Variants in MVK observed in about 807,000 individuals in gnomAD.
MVK encodes LH receptor mRNA-binding protein.
A neutral mutation model predicts 43.2 loss-of-function variants in MVK; 34 were observed. That is an observed-to-expected ratio of 0.79 (90% CI 0.60 to 1.05). The LOEUF is 1.05. Among genes scored for constraint, MVK ranks in the 50% least tolerant of loss-of-function variants. The probability of loss-of-function intolerance (pLI) is 0.00; values close to 1 mark genes in which losing one functional copy is unlikely to be tolerated. For synonymous variants in MVK, 190 were observed against 219.8 expected (o/e 0.86, Z 1.20); for missense variants, 395 against 504.0 (o/e 0.78, Z 2.07).
intron 3 of MVK, among the ~76,000 whole-genome samples, chr12:109,576,350 G>A (rs1041486851): frequency 3.3e-5 from 5 of 152,020 alleles, no homozygotes; most frequent in African/African-American, 9.7e-5. Context: ...GTGGGCTGTT[G>A]TGGACAGATC....
Position 109,587,046 on chromosome 12 carries a change from C to T in MVK, c.677+247C>T, listed in dbSNP as rs780552745. 18 of 532,608 alleles carry T rather than the reference C, an allele frequency of 3.4e-5. No homozygotes were observed. The Admixed American group carries it at 4.0e-4, about 12-fold the overall frequency. 33.0% of individuals were successfully genotyped at this position (532,608 alleles called of 1,614,324 possible). A position where few individuals can be genotyped will look rare whatever the true frequency, so the allele number is the denominator to read the frequency against. ...AGGGAAAGTCATGCATGGCTGTGCC[C>T]GTAGACTCTCAGCTGCTCATTCATT... On this transcript the variant is annotated intron_variant, in intron 7 of 10. Coordinates refer to ENST00000228510, the MANE Select transcript of MVK (RefSeq NM_000431.4).
Position 109,579,820 on chromosome 12 carries a change from C to T in MVK, c.245C>T (p.Thr82Ile). 2 of 1,614,246 alleles carry T rather than the reference C, an allele frequency of 1.2e-6. No individual in the cohort carries two copies. Among genetic ancestry groups the T allele is most frequent in the Non-Finnish European group, 1.7e-6 (2 of 1,180,048 alleles). Reference sequence around the variant, plus strand: ...GGAACAGAGCAAGGTGATGTCACAACACCCACCTCAGAGCAAGTGGAGAAG... The same window carrying T: ...GGAACAGAGCAAGGTGATGTCACAATACCCACCTCAGAGCAAGTGGAGAAG... ...TSFLEQGDVT[T>I]PTSEQVEKLK... The change falls in exon 4 of 11, where the codon ACA (threonine) becomes ATA (isoleucine). Residue 82 changes from threonine (T) to isoleucine (I), a missense_variant. Transcript: ENST00000228510.
intron 5 of MVK, among the ~76,000 whole-genome samples, chr12:109,583,409 C>T (rs867115065): frequency 2.5e-4 from 38 of 152,080 alleles, no homozygotes; most frequent in African/African-American, 8.9e-4. Context: ...TCATCCATGT[C>T]CCTACAAAGG....
intron 6 of MVK, among the ~76,000 whole-genome samples, chr12:109,586,551 A>G (rs868806700): frequency 9.2e-5 from 14 of 152,318 alleles, no homozygotes; most frequent in African/African-American, 3.4e-4. Flanking sequence ...CAGGAATCCA[A>G]GGCCTGGCAA....
At chr12:109,582,446 C>T in intron 5 of MVK, among the ~76,000 whole-genome samples, 1 of 152,164 alleles carries the variant, frequency 6.6e-6, no homozygotes, top group East Asian at 1.9e-4. Context: ...AGTGATTTTC[C>T]ACGGGCCAAA....
At chr12:109,576,435 T>C (rs1013281098) in intron 3 of MVK, among the ~76,000 whole-genome samples, 3 of 152,032 alleles carry the variant, frequency 2.0e-5, no homozygotes, top group African/African-American at 7.2e-5. Context: ...TGTGTATAAA[T>C]GATAGAAAAG....
upstream of MVK, chr12:109,573,299 C>T (rs769702190): frequency 1.3e-5 from 21 of 1,611,796 alleles, no homozygotes; most frequent in Middle Eastern, 1.7e-4. Flanking sequence ...GCGACGACAC[C>T]ACGATTCACG....
intron 2 of MVK, among the ~76,000 whole-genome samples, chr12:109,575,777 A>G (rs1031443072): frequency 4.6e-5 from 7 of 152,102 alleles, no homozygotes; most frequent in African/African-American, 1.7e-4. Context: ...AACCTCTGAA[A>G]TTTTGCAGGC....
At position 109,596,629 on chromosome 12, in the gene MVK, C is replaced by A; in HGVS notation, c.*52C>A. ...CCCAGATGCCCCTTTCTGGATTATT[C>A]TGGGGGCTGCAGTTCGACTCTGTGC... On this transcript the variant is annotated 3_prime_UTR_variant, in exon 11 of 11. Transcript: ENST00000228510. The A allele has an allele frequency of 1.3e-6, 2 of 1,582,918 alleles. No homozygotes were observed. Among genetic ancestry groups the A allele is most frequent in the Non-Finnish European group, 1.7e-6 (2 of 1,168,384 alleles).
At position 109,576,075 on chromosome 12, in the gene MVK, C is replaced by T; in HGVS notation, c.156C>T (p.Ser52=). 3 of 1,614,220 alleles carry T rather than the reference C, an allele frequency of 1.9e-6. No homozygotes were observed. Among genetic ancestry groups the T allele is most frequent in the Non-Finnish European group, 2.5e-6 (3 of 1,180,032 alleles). The change falls in exon 3 of 11, where the codon AGC becomes AGT. Residue 52 remains serine, a synonymous_variant. Transcript: ENST00000228510. ...ACAGCAATGGGAAAGTGGACCTCAG[C>T]TTACCCAACATTGGTATCAAGCGGG... ...QPHSNGKVDL[S]LPNIGIKRAW...
chr12:109,579,107 GTGTC>G (rs920004238), intron 3 of MVK: 1 of 370,210 alleles, frequency 2.7e-6, no homozygotes, highest in African/African-American at 2.1e-5. Context: ...GTGTGTCTGT[GTGTC>G]TGTGTGTGTT....
chr12:109,592,176 C>A (rs1383165601), intron 9 of MVK, among the ~76,000 whole-genome samples: 1 of 152,164 alleles, frequency 6.6e-6, no homozygotes, highest in African/African-American at 2.4e-5. Flanking sequence ...CCCAGGAGGT[C>A]AAGTTTGTAG....
rs67866345 is a variant in MVK at position 109,574,384 on chromosome 12, T to C, written c.-14-425T>C. Among the ~76,000 whole-genome samples the C allele has an allele frequency of 6.4e-3, 974 of 152,284 alleles. 11 individuals carry two copies. Among genetic ancestry groups the C allele is most frequent in the East Asian group, 0.063 (329 of 5,182 alleles). ...TTCATGTAATTTCTACCTTTAATAG[T>C]AGTAGTTGTAAAAGCTGAAACGAAG... On this transcript the variant is annotated intron_variant, in intron 1 of 10. Coordinates refer to ENST00000228510, the MANE Select transcript of MVK (RefSeq NM_000431.4).
At chr12:109,580,347 A>G (rs1024859193) in intron 4 of MVK, among the ~76,000 whole-genome samples, 21 of 152,290 alleles carry the variant, frequency 1.4e-4, no homozygotes, top group Admixed American at 3.9e-4. Context: ...ATGTGATCCA[A>G]CTGCCTTGGC....
chr12:109,591,260 C>A lies in MVK; in HGVS notation c.788C>A (p.Pro263His). Residue 263 changes from proline (P) to histidine (H), a missense_variant, in exon 9 of 11, where the codon CCC (proline) becomes CAC (histidine). Physicochemically the swap from Pro to His is moderately conservative, Grantham distance 77. Coordinates refer to ENST00000228510, the MANE Select transcript of MVK (RefSeq NM_000431.4). ...RLLKFPEIVA[P>H]LLTSIDAISL... ...CTCCAGTTCCCAGAGATCGTGGCCCCCCTCCTGACCTCAATAGATGCCATC... is the reference window on the plus strand; with the variant it reads ...CTCCAGTTCCCAGAGATCGTGGCCCACCTCCTGACCTCAATAGATGCCATC... 1 of 1,614,244 alleles carries A rather than the reference C, an allele frequency of 6.2e-7. No individual in the cohort carries two copies. The highest frequency in any genetic ancestry group is 8.5e-7 in the Non-Finnish European group (1 of 1,180,048).
intron 2 of MVK, 65 bp from the exon 3 acceptor site, chr12:109,575,933 C>T: frequency 6.3e-7 from 1 of 1,589,612 alleles, no homozygotes; most frequent in African/African-American, 1.3e-5. Flanking sequence ...CTCTTCTTAG[C>T]ACGTGGGTCC....
intron 5 of MVK, among the ~76,000 whole-genome samples, chr12:109,582,195 G>T (rs11067330): frequency 6.6e-6 from 1 of 152,226 alleles, no homozygotes; most frequent in Non-Finnish European, 1.5e-5. Flanking sequence ...CACCCAGTGC[G>T]CAGAGGTTAC....
Position 109,590,860 on chromosome 12 carries a change from A to G in MVK, c.767A>G (p.Lys256Arg). The G allele has an allele frequency of 1.2e-6, 2 of 1,614,098 alleles. No individual in the cohort carries two copies. Among genetic ancestry groups the G allele is most frequent in the Non-Finnish European group, 1.7e-6 (2 of 1,179,964 alleles). Reference protein sequence around the residue: ...LVAGVRNRLLKFPEIVAPLLT... With the variant: ...LVAGVRNRLLRFPEIVAPLLT... ...GCTGGCGTCAGAAACAGGCTGCTCAAGGTGACTCTTGTTCCCTTCTTGGGC... is the reference window on the plus strand; with the variant it reads ...GCTGGCGTCAGAAACAGGCTGCTCAGGGTGACTCTTGTTCCCTTCTTGGGC... The change falls in exon 8 of 11, where the codon AAG becomes AGG. Residue 256 changes from lysine (K) to arginine (R), a missense_variant and splice_region_variant. Lys to Arg is a conservative substitution (Grantham distance 26). Coordinates refer to ENST00000228510, the MANE Select transcript of MVK (RefSeq NM_000431.4).
chr12:109,596,190 T>C (rs1885905355), intron 10 of MVK, among the ~76,000 whole-genome samples: 1 of 152,256 alleles, frequency 6.6e-6, no homozygotes, highest in Non-Finnish European at 1.5e-5. Flanking sequence ...GGCCAAGTCC[T>C]GTGACTTGAG....
Sources: gnomAD v4.1 joint callset for allele counts (sites outside exome capture counted in the v4.1 genomes callset) on GRCh38, gnomAD v4.1.1 for gene constraint, MANE v1.5 for transcripts, NCBI Gene and HGNC (gene_info 2026-07-23, HGNC 2026-07-21) for gene names.